The following TIMM23B variants were observed in gnomAD, a reference collection of about 807,000 sequenced individuals.
TIMM23B encodes translocase of inner mitochondrial membrane 23 homolog B, also known as mitochondrial import inner membrane translocase subunit Tim23B.
In TIMM23B, 27 loss-of-function variants were observed where a neutral mutation model predicts 27.3. That is an observed-to-expected ratio of 0.99 (90% CI 0.73 to 1.36). TIMM23B has a LOEUF of 1.36. TIMM23B is among the 40% of genes most tolerant of loss of function. The pLI, the probability that TIMM23B is intolerant of heterozygous loss-of-function variation, is 0.00. For synonymous variants in TIMM23B, 73 were observed against 92.4 expected, an observed-to-expected ratio of 0.79 and a Z score of 1.21; for missense variants, 205 against 244.2, an observed-to-expected ratio of 0.84 and a Z score of 1.07.
rs1288773506 is a variant in TIMM23B at position 49,973,206 on chromosome 10, T to C, written c.*142T>C. The C allele has an allele frequency of 1.1e-5, 6 of 561,974 alleles. No homozygotes were observed. In the African/African-American group the frequency reaches 1.1e-4, roughly 11 times the overall value. The allele number at this position is 561,974 out of a possible 1,614,324, so 34.8% of individuals were successfully genotyped here. On this transcript the variant is annotated 3_prime_UTR_variant, in exon 7 of 7. Coordinates refer to ENST00000651259, the MANE Select transcript of TIMM23B (RefSeq NM_001290117.2). ...TCCATGGAATGGACAAGTAGTAGTCTCTGTCAGAGCTACATTTTAAAGGAG... is the reference window on the plus strand; with the variant it reads ...TCCATGGAATGGACAAGTAGTAGTCCCTGTCAGAGCTACATTTTAAAGGAG...
intron 6 of TIMM23B, among the ~76,000 whole-genome samples, chr10:49,967,977 G>A (rs1840238826): frequency 6.6e-6 from 1 of 151,688 alleles, no homozygotes; most frequent in African/African-American, 2.4e-5. Context: ...TGGAATCCCA[G>A]ATTTTTATGT....
At chr10:49,964,901 G>A (rs1490745928) in intron 6 of TIMM23B, among the ~76,000 whole-genome samples, 41 of 150,288 alleles carry the variant, frequency 2.7e-4, no homozygotes, top group African/African-American at 9.5e-4. Flanking sequence ...AAATGAAGGA[G>A]ATGAAATGAT....
At chr10:49,949,382 A>G (rs1352029264) in intron 2 of TIMM23B, among the ~76,000 whole-genome samples, 1 of 151,994 alleles carries the variant, frequency 6.6e-6, no homozygotes, top group Non-Finnish European at 1.5e-5. Flanking sequence ...TTCAAATGTT[A>G]TATTTTAACA....
intron 5 of TIMM23B, among the ~76,000 whole-genome samples, chr10:49,957,267 T>C (rs2133075929): frequency 6.7e-6 from 1 of 149,506 alleles, no homozygotes; most frequent in Admixed American, 6.6e-5. Flanking sequence ...TTTTTTTTTT[T>C]TTTTTTTGAG....
chr10:49,965,271 A>G (rs1313549928), intron 6 of TIMM23B, among the ~76,000 whole-genome samples: 1 of 149,004 alleles, frequency 6.7e-6, no homozygotes, highest in African/African-American at 2.5e-5. Flanking sequence ...TAATAATGAA[A>G]TGTGGGTGGC....
intron 6 of TIMM23B, among the ~76,000 whole-genome samples, chr10:49,967,120 C>T (rs1172964004): frequency 2.6e-5 from 4 of 152,124 alleles, no homozygotes; most frequent in African/African-American, 9.7e-5. Context: ...CAGGGTTTCA[C>T]CATGGTGCCC....
In TIMM23B at chr10:49,947,632, A is replaced by AAAT. The variant is rs1300036808; in HGVS notation, c.165+2544_165+2545insTAA. On this transcript the variant is annotated intron_variant, in intron 2 of 6. Transcript: ENST00000651259. ...CTCAAAAATAAATAAATAAATAAATAAAGAATGGAAAAAGTCCTGGCGCAG... is the reference window on the plus strand; with the variant it reads ...CTCAAAAATAAATAAATAAATAAATAAATAAGAATGGAAAAAGTCCTGGCGCAG... 7.4e-3 allele frequency among the ~76,000 whole-genome samples: 1,117 copies of AAAT among 151,932 alleles called. 13 individuals carry two copies. The highest frequency in any genetic ancestry group is 8.8e-3 in the Non-Finnish European group (595 of 67,936).
chr10:49,971,168 G>T (rs1840427871), intron 6 of TIMM23B, among the ~76,000 whole-genome samples: 1 of 151,978 alleles, frequency 6.6e-6, no homozygotes, highest in African/African-American at 2.4e-5. Context: ...CTAATCTCAA[G>T]TACCCAGGGA....
At chr10:49,954,206 C>T in intron 4 of TIMM23B, 2 of 209,778 alleles carry the variant, frequency 9.5e-6, no homozygotes, top group South Asian at 7.8e-5. Context: ...TACTGTATTT[C>T]CATAATTTCC....
In TIMM23B at chr10:49,968,377, C is replaced by A. The variant is rs555636886; in HGVS notation, c.515-4635C>A. Among the ~76,000 whole-genome samples the A allele has an allele frequency of 1.8e-4, 27 of 152,352 alleles. No individual in the cohort carries two copies. The South Asian group carries it at 4.6e-3, about 26-fold the overall frequency. On this transcript the variant is annotated intron_variant, in intron 6 of 6. Transcript: ENST00000651259. ...CTTTTAAGACTTAAGACTCTTAGGT[C>A]TGTGGAGTCAAAATGCTACGTGATA...
At chr10:49,961,546 C>G (rs1692450199) in intron 6 of TIMM23B, among the ~76,000 whole-genome samples, 1 of 151,946 alleles carries the variant, frequency 6.6e-6, no homozygotes, top group African/African-American at 2.4e-5. Flanking sequence ...CACCACTGCC[C>G]CCATCTGTCC....
chr10:49,948,891 T>C (rs1447075722), intron 2 of TIMM23B, among the ~76,000 whole-genome samples: 1 of 152,122 alleles, frequency 6.6e-6, no homozygotes, highest in Non-Finnish European at 1.5e-5. Flanking sequence ...TTTCTCTCTC[T>C]CTTTTTTTTC....
At chr10:49,961,201 T>C (rs1589040927) in intron 6 of TIMM23B, among the ~76,000 whole-genome samples, 1 of 148,852 alleles carries the variant, frequency 6.7e-6, no homozygotes, top group Admixed American at 6.7e-5. Flanking sequence ...CTGACCAACA[T>C]AGAGAAATCC....
chr10:49,951,841 C>G (rs1839540258), intron 2 of TIMM23B, among the ~76,000 whole-genome samples: 1 of 152,336 alleles, frequency 6.6e-6, no homozygotes, highest in Non-Finnish European at 1.5e-5. Context: ...GTTCCTTTCT[C>G]TAGAGCTGTC....
chr10:49,957,144 C>CGTT (rs1451818575), intron 5 of TIMM23B, among the ~76,000 whole-genome samples: 242 of 152,144 alleles, frequency 1.6e-3, no homozygotes, highest in Non-Finnish European at 2.9e-3. Flanking sequence ...TCTGACCAAC[C>CGTT]AGCTTTGTCA....
intron 2 of TIMM23B, among the ~76,000 whole-genome samples, chr10:49,948,711 A>G (rs1260951197): frequency 6.6e-6 from 1 of 152,216 alleles, no homozygotes; most frequent in Non-Finnish European, 1.5e-5. Context: ...GTTGGGAGTA[A>G]ATGGGCAGTG....
chr10:49,945,624 T>A, intron 2 of TIMM23B, among the ~76,000 whole-genome samples: 1 of 152,160 alleles, frequency 6.6e-6, no homozygotes, highest in Non-Finnish European at 1.5e-5. Flanking sequence ...AGGCAAAGTG[T>A]GTTTTAAAGC....
At chr10:49,947,635 G>T (rs1354527593) in intron 2 of TIMM23B, among the ~76,000 whole-genome samples, 19 of 147,996 alleles carry the variant, frequency 1.3e-4, no homozygotes, top group South Asian at 8.6e-4. Flanking sequence ...AATAAATAAA[G>T]AATGGAAAAA....
chr10:49,961,053 A>G lies in TIMM23B; in HGVS notation c.514+2573A>G, dbSNP rs1474063883. ...GTCAAAATGGTCCAGGAAAAGTATT[A>G]GTTGAAGAGATGGTAAGGAAAAGGT... is the stretch of plus-strand genomic sequence containing the variant. On this transcript the variant is annotated intron_variant, in intron 6 of 6. Transcript: ENST00000651259. Among the ~76,000 whole-genome samples the G allele has an allele frequency of 6.3e-3, 959 of 152,268 alleles. 12 individuals are homozygous for G. The highest frequency in any genetic ancestry group is 0.022 in the African/African-American group (925 of 41,560).
Sources: gnomAD v4.1 joint callset for allele counts (sites outside exome capture counted in the v4.1 genomes callset) on GRCh38, gnomAD v4.1.1 for gene constraint, MANE v1.5 for transcripts, NCBI Gene and HGNC (gene_info 2026-07-23, HGNC 2026-07-21) for gene names.